The following RTL9 variants were observed in gnomAD, a reference collection of about 807,000 sequenced individuals.
RTL9 encodes the protein retrotransposon Gag like 9, also known as retrotransposon Gag-like protein 9.
In RTL9, 19 loss-of-function variants were observed where a neutral mutation model predicts 44.7. That is an observed-to-expected ratio of 0.42 (90% CI 0.30 to 0.62). RTL9 has a LOEUF of 0.62. Ranked by LOEUF, RTL9 falls within the 20% of genes least tolerant of loss-of-function variation. The pLI is 0.16. For missense variants in RTL9, 1,105 were observed against 1,080.6 expected (o/e 1.02, Z -0.32); for synonymous variants, 407 against 398.9 (o/e 1.02, Z -0.24).
intron 1 of RTL9, among the ~76,000 whole-genome samples, chrX:110,433,207 G>A (rs1477962430): frequency 8.9e-6 from 1 of 112,671 alleles, no homozygotes; most frequent in African/African-American, 3.2e-5. Context: ...AGTTGATTGA[G>A]TACCTGCTAT....
chrX:110,436,976 T>C (rs778095381), intron 1 of RTL9, among the ~76,000 whole-genome samples: 1 of 112,325 alleles, frequency 8.9e-6, no homozygotes, highest in Non-Finnish European at 1.9e-5. Context: ...TTCTGGACCC[T>C]GATCTCCCAG....
chrX:110,428,849 G>A (rs747711077), intron 1 of RTL9, among the ~76,000 whole-genome samples: 138 of 112,201 alleles, frequency 1.2e-3, no homozygotes, highest in Non-Finnish European at 2.0e-3. Context: ...ATATAATCAA[G>A]GATTTCAAGA....
chrX:110,425,452 G>A (rs1291627174), intron 1 of RTL9, among the ~76,000 whole-genome samples: 1 of 112,980 alleles, frequency 8.9e-6, no homozygotes, highest in Non-Finnish European at 1.9e-5. Context: ...AGGGCAGTGG[G>A]GCTCTGGGCT....
chrX:110,426,654 A>G (rs2068756582), intron 1 of RTL9: 1 of 112,188 alleles, frequency 8.9e-6, no homozygotes, highest in Non-Finnish European at 1.9e-5. Flanking sequence ...TAAAGTAAAC[A>G]TACCTAGAGT....
At chrX:110,451,119 G>A (rs757253185) in exon 1 of RTL9, 2 of 1,211,975 alleles carry the variant, frequency 1.7e-6, no homozygotes, top group Non-Finnish European at 2.2e-6. Flanking sequence ...ATCACCATTG[G>A]CAATGCCAGC....
chrX:110,452,361 G>A lies in RTL9; in HGVS notation c.1744G>A (p.Ala582Thr). Reference sequence around the variant, plus strand: ...AGCAATGTCCACCCCACTAATGACAGCCCAAACCTCTGGATCAACATCCAC... The same window carrying A: ...AGCAATGTCCACCCCACTAATGACAACCCAAACCTCTGGATCAACATCCAC... Residue 582 changes from alanine (A) to threonine (T), a missense_variant, in exon 1 of 2, where the codon GCC becomes ACC. Ala to Thr is a moderately conservative substitution (Grantham distance 58, BLOSUM62 0). Transcript: ENST00000540313. 1.7e-6 allele frequency: 2 copies of A among 1,211,783 alleles called. No individual in the cohort carries two copies. Among genetic ancestry groups the A allele is most frequent in the Non-Finnish European group, 2.2e-6 (2 of 895,525 alleles).
At chrX:110,442,060 A>G (rs1220824629) in intron 1 of RTL9, among the ~76,000 whole-genome samples, 2 of 111,216 alleles carry the variant, frequency 1.8e-5, no homozygotes, top group Non-Finnish European at 3.8e-5. Context: ...ATGGGGTTAA[A>G]TTGAGGCTTT....
At chrX:110,433,362 C>T (rs1486361684) in intron 1 of RTL9, among the ~76,000 whole-genome samples, 1 of 111,843 alleles carries the variant, frequency 8.9e-6, no homozygotes, top group African/African-American at 3.3e-5. Context: ...CTCTCTTCCA[C>T]TAAGCAGTCT....
At chrX:110,393,938 A>G (rs949643348) in intron 1 of RTL9, among the ~76,000 whole-genome samples, 1 of 112,352 alleles carries the variant, frequency 8.9e-6, no homozygotes, top group African/African-American at 3.2e-5. Flanking sequence ...GTACACAATG[A>G]CCATACGAAT....
intron 1 of RTL9, among the ~76,000 whole-genome samples, chrX:110,360,381 C>T (rs2068255555): frequency 9.0e-6 from 1 of 111,564 alleles, no homozygotes; most frequent in Admixed American, 9.5e-5. Context: ...AGAAAGATTC[C>T]ACTGGTTTTC....
chrX:110,437,532 C>G (rs1041773200), intron 1 of RTL9, among the ~76,000 whole-genome samples: 2 of 111,956 alleles, frequency 1.8e-5, no homozygotes, highest in South Asian at 3.8e-4. Flanking sequence ...CAAACTGTGT[C>G]CACTAGGCCT....
upstream of RTL9, among the ~76,000 whole-genome samples, chrX:110,446,640 T>C (rs188412378): frequency 8.9e-6 from 1 of 112,112 alleles, no homozygotes; most frequent in East Asian, 2.8e-4. Context: ...GTGGTCACTG[T>C]TGGCGTTTTG....
At chrX:110,371,406 A>G (rs2068337995) in intron 1 of RTL9, among the ~76,000 whole-genome samples, 1 of 111,617 alleles carries the variant, frequency 9.0e-6, no homozygotes, top group African/African-American at 3.3e-5. Flanking sequence ...AAACAATCCA[A>G]TTACAGTCCT....
intron 1 of RTL9, among the ~76,000 whole-genome samples, chrX:110,373,038 T>C (rs981090633): frequency 3.6e-5 from 4 of 112,254 alleles, no homozygotes; most frequent in Admixed American, 2.8e-4. Flanking sequence ...AGCATTGTTC[T>C]ACATGATTTA....
chrX:110,438,939 A>G (rs189189962), intron 1 of RTL9, among the ~76,000 whole-genome samples: 81 of 112,334 alleles, frequency 7.2e-4, no homozygotes, highest in Middle Eastern at 4.6e-3. Context: ...ATGAAAGTTC[A>G]GAGAAGAGCA....
exon 1 of RTL9, chrX:110,452,485 C>G: frequency 8.3e-7 from 1 of 1,211,705 alleles, no homozygotes; most frequent in South Asian, 1.8e-5. Context: ...ACACCCAAAG[C>G]CTCAGGAACG....
At chrX:110,405,186 T>C (rs1245417744) in intron 1 of RTL9, among the ~76,000 whole-genome samples, 1 of 109,282 alleles carries the variant, frequency 9.2e-6, no homozygotes, top group Non-Finnish European at 1.9e-5. Flanking sequence ...CAGGTCATTC[T>C]TTTTAAAAAG....
At chrX:110,452,182 C>A (rs746253760) in exon 1 of RTL9, 1 of 1,211,573 alleles carries the variant, frequency 8.3e-7, no homozygotes, top group African/African-American at 1.7e-5. Context: ...GCCTCTGAAA[C>A]AATGTCCATG....
At chrX:110,435,075 G>C (rs867418770) in intron 1 of RTL9, among the ~76,000 whole-genome samples, 2 of 92,978 alleles carry the variant, frequency 2.2e-5, no homozygotes, top group African/African-American at 8.0e-5. Context: ...AAGGAGGGAG[G>C]GGGGAGGAAA....
Sources: allele counts gnomAD v4.1 joint callset (sites outside exome capture counted in the v4.1 genomes callset), GRCh38; gene constraint gnomAD v4.1.1; transcripts MANE v1.5; gene names NCBI Gene and HGNC (gene_info 2026-07-23, HGNC 2026-07-21).